Variants in DRC1 observed in about 807,000 individuals in gnomAD.
DRC1 encodes dynein regulatory complex subunit 1.
A neutral mutation model predicts 98.7 loss-of-function variants in DRC1; 74 were observed. The ratio of observed to expected loss-of-function variants is 0.75; its 90% CI spans 0.62 to 0.91. The LOEUF is 0.91. Ranked by LOEUF, DRC1 falls within the 40% of genes least tolerant of loss-of-function variation. The pLI, the probability that DRC1 is intolerant of heterozygous loss-of-function variation, is 0.00. For synonymous variants in DRC1, 336 were observed against 334.1 expected (o/e 1.01, Z -0.06); for missense variants, 875 against 886.0 (o/e 0.99, Z 0.16).
At chr2:26,423,666 A>G (rs923526370) in intron 3 of DRC1, among the ~76,000 whole-genome samples, 4 of 152,266 alleles carry the variant, frequency 2.6e-5, no homozygotes, top group Non-Finnish European at 5.9e-5. Context: ...AGGAGTAGCC[A>G]GACACTTGAG....
intron 7 of DRC1, among the ~76,000 whole-genome samples, chr2:26,436,311 T>C (rs1000180596): frequency 6.6e-6 from 1 of 152,236 alleles, no homozygotes; most frequent in South Asian, 2.1e-4. Flanking sequence ...CCACTCCCCC[T>C]GCCCTTTATT....
intron 5 of DRC1, among the ~76,000 whole-genome samples, chr2:26,430,030 A>G (rs541473366): frequency 6.6e-6 from 1 of 152,344 alleles, no homozygotes; most frequent in African/African-American, 2.4e-5. Flanking sequence ...ACTGTATGCT[A>G]GTAGGAAGCA....
intron 7 of DRC1, among the ~76,000 whole-genome samples, chr2:26,437,011 C>A (rs778941684): frequency 2.6e-5 from 4 of 152,152 alleles, no homozygotes; most frequent in African/African-American, 9.7e-5. Context: ...GACTTTTGTG[C>A]CGAGCTGCCT....
chr2:26,436,895 G>A (rs1239919693), intron 7 of DRC1, among the ~76,000 whole-genome samples: 2 of 152,152 alleles, frequency 1.3e-5, no homozygotes, highest in Admixed American at 6.5e-5. Context: ...AGACAGAACA[G>A]CCATTCATTG....
chr2:26,437,705 T>C (rs1663607978), intron 7 of DRC1, among the ~76,000 whole-genome samples: 1 of 152,092 alleles, frequency 6.6e-6, no homozygotes, highest in Non-Finnish European at 1.5e-5. Context: ...TAAAAGTATA[T>C]ATAACTATAT....
At chr2:26,406,541 C>T (rs999685607) in intron 1 of DRC1, among the ~76,000 whole-genome samples, 1 of 152,004 alleles carries the variant, frequency 6.6e-6, no homozygotes, top group Admixed American at 6.6e-5. Flanking sequence ...AAACCCCTGT[C>T]TCTACTAAAA....
chr2:26,407,091 A>G (rs1360233647), intron 1 of DRC1, among the ~76,000 whole-genome samples: 1 of 152,066 alleles, frequency 6.6e-6, no homozygotes, highest in Non-Finnish European at 1.5e-5. Flanking sequence ...AAGTGCTGGG[A>G]TTATAGGTGT....
At chr2:26,428,918 A>C (rs950179783) in intron 4 of DRC1, among the ~76,000 whole-genome samples, 1 of 152,194 alleles carries the variant, frequency 6.6e-6, no homozygotes, top group Admixed American at 6.5e-5. Context: ...ATGCTGTTCC[A>C]GAGTTTAGTC....
In DRC1 at chr2:26,440,536, C is replaced by CTTTCTTCTG; in HGVS notation, c.1028+19_1028+20insTTTCTTCTG. ...TCAATCGGTAAGCTAGCATGCAGAG[C>CTTTCTTCTG]GTCTTTCTTCTGGGCCTTCTGTGCT... is the stretch of plus-strand genomic sequence containing the variant. On this transcript the variant is annotated intron_variant, in intron 8 of 16. Transcript: ENST00000288710. The CTTTCTTCTG allele has an allele frequency of 6.2e-7, 1 of 1,602,644 alleles. No homozygotes were observed. The highest frequency in any genetic ancestry group is 8.5e-7 in the Non-Finnish European group (1 of 1,173,644).
Position 26,449,977 on chromosome 2 carries a change from CCTT to C in DRC1, c.1510-14_1510-12del. The C allele has an allele frequency of 6.2e-7, 1 of 1,611,154 alleles. No homozygotes were observed. On this transcript the variant is annotated splice_polypyrimidine_tract_variant and intron_variant, in intron 11 of 16. Transcript: ENST00000288710. ...TGAAACCTGTCCCCGACAGGAGATG[CCTT>C]CTTCCTTCTCCCCAGGGGTTCCTCA... is the stretch of plus-strand genomic sequence containing the variant.
At chr2:26,446,166 G>A (rs527442870) in intron 10 of DRC1, among the ~76,000 whole-genome samples, 9 of 147,874 alleles carry the variant, frequency 6.1e-5, no homozygotes, top group Admixed American at 1.4e-4. Flanking sequence ...GTGGGATCTC[G>A]GCTCACTGCA....
At chr2:26,403,786 A>C in intron 1 of DRC1, among the ~76,000 whole-genome samples, 8 of 93,284 alleles carry the variant, frequency 8.6e-5, no homozygotes, top group Admixed American at 1.4e-4. Context: ...CAAGCACAAA[A>C]CTCCATCTCA....
intron 5 of DRC1, 109 bp downstream of exon 5, chr2:26,429,874 T>C: frequency 8.4e-7 from 1 of 1,189,646 alleles, no homozygotes; most frequent in Non-Finnish European, 1.2e-6. Context: ...CTCTGTCCGC[T>C]GATTTCTGTT....
rs2147985333 is a variant in DRC1 at position 26,421,377 on chromosome 2, A to G, written c.333A>G (p.Glu111=). Residue 111 remains glutamate (E), a synonymous_variant, in exon 3 of 17, where the codon GAA becomes GAG. Coordinates refer to ENST00000288710, the MANE Select transcript of DRC1 (RefSeq NM_145038.5). The part of the protein sequence containing the change: ...IDIREIHRRV[E]EEEIKRQRIE... ...TCAGAGAGATTCACAGGAGAGTCGA[A>G]GAAGAGGAGATAAAGCGTCAAAGGT... 1.2e-6 allele frequency: 2 copies of G among 1,613,310 alleles called. No homozygotes were observed. The highest frequency in any genetic ancestry group is 4.5e-5 in the East Asian group (2 of 44,822).
intron 7 of DRC1, among the ~76,000 whole-genome samples, chr2:26,432,730 G>A (rs1270083939): frequency 6.6e-6 from 1 of 152,188 alleles, no homozygotes; most frequent in East Asian, 1.9e-4. Context: ...CCAAAGCTAG[G>A]ACAGCTACTG....
intron 1 of DRC1, among the ~76,000 whole-genome samples, chr2:26,407,957 T>C (rs1173061071): frequency 1.3e-5 from 2 of 152,224 alleles, no homozygotes; most frequent in Non-Finnish European, 2.9e-5. Flanking sequence ...CCTTCTCCTA[T>C]ATCCTGTAGA....
At chr2:26,446,007 G>A (rs376787841) in intron 10 of DRC1, among the ~76,000 whole-genome samples, 11 of 151,862 alleles carry the variant, frequency 7.2e-5, no homozygotes, top group African/African-American at 2.7e-4. Context: ...GGATGACCAG[G>A]TGTTCAAGGC....
At chr2:26,438,848 G>C (rs1663640139) in intron 7 of DRC1, among the ~76,000 whole-genome samples, 1 of 152,186 alleles carries the variant, frequency 6.6e-6, no homozygotes, top group Admixed American at 6.5e-5. Flanking sequence ...ACACGTGGCA[G>C]TTTTATTGAG....
In DRC1 at chr2:26,407,671, T is replaced by G. The variant is rs370843259; in HGVS notation, c.155+5527T>G. ...CGACCACCCGGCACCCTCCTCCTCATGTTTATGGTTCCAACCTGACAACAA... is the reference window on the plus strand; with the variant it reads ...CGACCACCCGGCACCCTCCTCCTCAGGTTTATGGTTCCAACCTGACAACAA... On this transcript the variant is annotated intron_variant, in intron 1 of 16. Transcript: ENST00000288710. 3.2e-4 allele frequency among the ~76,000 whole-genome samples: 49 copies of G among 152,234 alleles called. No individual in the cohort carries two copies. In the South Asian group the frequency reaches 9.8e-3, roughly 30 times the overall value.
Sources: allele counts gnomAD v4.1 joint callset (sites outside exome capture counted in the v4.1 genomes callset), GRCh38; gene constraint gnomAD v4.1.1; transcripts MANE v1.5; gene names NCBI Gene and HGNC (gene_info 2026-07-23, HGNC 2026-07-21).